The following FBXW7 variants were observed in gnomAD, a reference collection of about 807,000 sequenced individuals.
FBXW7 encodes the protein F-box/WD repeat-containing protein 7.
A neutral mutation model predicts 86.3 loss-of-function variants in FBXW7; 11 were observed. The ratio of observed to expected loss-of-function variants is 0.13; its 90% CI spans 0.08 to 0.21. The LOEUF is 0.21. FBXW7 is among the 10% of genes least tolerant of loss of function. The pLI is 1.00. For synonymous variants in FBXW7, 313 were observed against 297.9 expected (o/e 1.05, Z -0.52); for missense variants, 488 against 847.4 (o/e 0.58, Z 5.27).
chr4:152,396,851 G>A (rs544752313), intron 4 of FBXW7, among the ~76,000 whole-genome samples: 1 of 151,930 alleles, frequency 6.6e-6, no homozygotes, highest in Non-Finnish European at 1.5e-5. Flanking sequence ...ATCAGTTAGA[G>A]AATACTGTTT....
In FBXW7 at chr4:152,358,643, C is replaced by A. The variant is rs543748549; in HGVS notation, c.502-8519G>T. Among the ~76,000 whole-genome samples, 9 of 152,200 alleles carry A rather than the reference C, an allele frequency of 5.9e-5. No homozygotes were observed. The South Asian group carries it at 1.9e-3, about 32-fold the overall frequency. On this transcript the variant is annotated intron_variant, in intron 4 of 13. Transcript: ENST00000281708. ...ACACAAGCAATGGAACCAGAAAAAC[C>A]TGGATTTAAGCGCAAGTTTTGCCAT...
chr4:152,388,466 G>A (rs986162248), intron 4 of FBXW7, among the ~76,000 whole-genome samples: 1 of 152,092 alleles, frequency 6.6e-6, no homozygotes, highest in Non-Finnish European at 1.5e-5. Context: ...ATAAGGTATT[G>A]TAACTGCTCT....
At chr4:152,383,202 G>T (rs1735243637) in intron 4 of FBXW7, among the ~76,000 whole-genome samples, 1 of 152,162 alleles carries the variant, frequency 6.6e-6, no homozygotes, top group South Asian at 2.1e-4. Flanking sequence ...ATGATGGGAA[G>T]TAATTATAGT....
chr4:152,326,279 T>C, intron 11 of FBXW7, 48 bp from the exon 12 acceptor site: 1 of 1,446,164 alleles, frequency 6.9e-7, no homozygotes, highest in Non-Finnish European at 9.5e-7. Context: ...AAAACCCACG[T>C]TTAGAATTTT....
chr4:152,409,195 T>C (rs941235879), intron 4 of FBXW7, among the ~76,000 whole-genome samples: 5 of 151,936 alleles, frequency 3.3e-5, no homozygotes, highest in Non-Finnish European at 7.4e-5. Context: ...TGCCAAAAAA[T>C]AAAACTTGAA....
chr4:152,378,904 G>A (rs1217041061), intron 4 of FBXW7, among the ~76,000 whole-genome samples: 1 of 152,136 alleles, frequency 6.6e-6, no homozygotes, highest in Non-Finnish European at 1.5e-5. Flanking sequence ...TACTTGGGAG[G>A]CTGAGGTGGG....
chr4:152,427,893 G>C (rs1560885155), intron 2 of FBXW7, among the ~76,000 whole-genome samples: 1 of 152,170 alleles, frequency 6.6e-6, no homozygotes, highest in African/African-American at 2.4e-5. Flanking sequence ...TTCTTAACAT[G>C]TATTGTGAAA....
chr4:152,497,999 G>A (rs759234766), intron 2 of FBXW7, among the ~76,000 whole-genome samples: 20 of 152,286 alleles, frequency 1.3e-4, no homozygotes, highest in Non-Finnish European at 2.4e-4. Context: ...AAACAGCAGG[G>A]AAATAATCGT....
At chr4:152,348,059 T>C (rs1686408125) in intron 5 of FBXW7, among the ~76,000 whole-genome samples, 1 of 152,246 alleles carries the variant, frequency 6.6e-6, no homozygotes, top group East Asian at 1.9e-4. Flanking sequence ...TGATTAATTA[T>C]TTTAAATTCA....
intron 2 of FBXW7, among the ~76,000 whole-genome samples, chr4:152,439,051 T>C (rs1740637883): frequency 6.6e-6 from 1 of 152,200 alleles, no homozygotes; most frequent in Admixed American, 6.5e-5. Context: ...GGGACAAGCT[T>C]TCTCACAAAG....
At chr4:152,366,527 T>C (rs975379370) in intron 4 of FBXW7, among the ~76,000 whole-genome samples, 1 of 152,152 alleles carries the variant, frequency 6.6e-6, no homozygotes, top group Non-Finnish European at 1.5e-5. Flanking sequence ...TTGCCAAAAG[T>C]GTTGTAACTT....
At chr4:152,336,591 T>C (rs1039562676) in intron 7 of FBXW7, among the ~76,000 whole-genome samples, 4 of 152,228 alleles carry the variant, frequency 2.6e-5, no homozygotes, top group South Asian at 2.1e-4. Flanking sequence ...ATTAATGCCC[T>C]TCTGGAAGCA....
In FBXW7 at chr4:152,342,051, A is replaced by AG. The variant is rs1181746126; in HGVS notation, c.727-4116dup. Reference sequence around the variant, plus strand: ...TTGAAAAGTGGTTGTCTCAGAAAAGAGAAAAAAAAAAAGTACTTCCTTTGG... The same window carrying AG: ...TTGAAAAGTGGTTGTCTCAGAAAAGAGGAAAAAAAAAAAGTACTTCCTTTGG... On this transcript the variant is annotated intron_variant, in intron 6 of 13. Coordinates refer to ENST00000281708, the MANE Select transcript of FBXW7 (RefSeq NM_001349798.2). 2.6e-5 allele frequency among the ~76,000 whole-genome samples: 4 copies of AG among 152,070 alleles called. No individual in the cohort carries two copies. In the East Asian group the frequency reaches 7.7e-4, roughly 29 times the overall value.
chr4:152,534,000 A>T (rs1475682037), intron 2 of FBXW7, among the ~76,000 whole-genome samples: 14 of 152,184 alleles, frequency 9.2e-5, no homozygotes, highest in African/African-American at 3.4e-4. Context: ...TCTTACATAA[A>T]ATTCTGCTCT....
intron 2 of FBXW7, among the ~76,000 whole-genome samples, chr4:152,412,990 T>C (rs1424202161): frequency 6.6e-6 from 1 of 152,134 alleles, no homozygotes; most frequent in South Asian, 2.1e-4. Context: ...TTACATTTTA[T>C]CCTTTGCTGG....
intron 2 of FBXW7, among the ~76,000 whole-genome samples, chr4:152,431,130 G>A (rs567827547): frequency 2.0e-5 from 3 of 152,236 alleles, no homozygotes; most frequent in African/African-American, 2.4e-5. Context: ...GTTTGCCTTA[G>A]AGAGCAAGAA....
intron 12 of FBXW7, 145 bp from the exon 13 acceptor site, chr4:152,324,539 A>T: frequency 1.6e-6 from 1 of 639,288 alleles, no homozygotes; most frequent in East Asian, 2.7e-5. Flanking sequence ...AGTGGCAATG[A>T]GGATAAAGTG....
intron 4 of FBXW7, among the ~76,000 whole-genome samples, chr4:152,363,459 CT>C (rs2126707384): frequency 6.6e-6 from 1 of 152,216 alleles, no homozygotes; most frequent in Admixed American, 6.5e-5. Context: ...AGTGAAACTG[CT>C]TAATTTGTAT....
In FBXW7 at chr4:152,521,365, G is replaced by A. The variant is rs143690250; in HGVS notation, c.-120+13576C>T. Among the ~76,000 whole-genome samples the A allele has an allele frequency of 1.2e-3, 186 of 152,156 alleles. 3 individuals carry two copies. Among genetic ancestry groups the A allele is most frequent in the Non-Finnish European group, 5.9e-5 (4 of 67,992 alleles). ...AGATGAAAAGAAAAGAATATTCCAA[G>A]CAGAGGAAACAGCAAGGTGTAGAGA... is the stretch of plus-strand genomic sequence containing the variant. On this transcript the variant is annotated intron_variant, in intron 2 of 13. Coordinates refer to ENST00000281708, the MANE Select transcript of FBXW7 (RefSeq NM_001349798.2).
Sources: allele counts gnomAD v4.1 joint callset (sites outside exome capture counted in the v4.1 genomes callset), GRCh38; gene constraint gnomAD v4.1.1; transcripts MANE v1.5; gene names NCBI Gene and HGNC (gene_info 2026-07-23, HGNC 2026-07-21).